NPFFR2: variants seen among roughly 807,000 people sequenced by gnomAD.
NPFFR2 encodes the protein neuropeptide FF receptor 2.
NPFFR2 carries 15 observed loss-of-function variants against 13.1 expected under a neutral mutation model. The observed-to-expected ratio is 1.15, with a 90% CI of 0.77 to 1.76. The LOEUF (loss-of-function observed/expected upper bound fraction) is 1.76, where lower values mean the gene tolerates loss of function less well. NPFFR2 is among the 40% of genes most tolerant of loss of function. The pLI, the probability that NPFFR2 is intolerant of heterozygous loss-of-function variation, is 0.00. For missense variants in NPFFR2, 572 were observed against 503.5 expected (o/e 1.14, Z -1.30); for synonymous variants, 190 against 175.7 (o/e 1.08, Z -0.65).
intron 1 of NPFFR2, among the ~76,000 whole-genome samples, chr4:72,121,570 A>T (rs887417624): frequency 6.6e-6 from 1 of 152,234 alleles, no homozygotes; most frequent in African/African-American, 2.4e-5. Flanking sequence ...AAACCCTACA[A>T]GCAAGAAGAG....
chr4:72,055,718 T>G (rs1021766258), intron 1 of NPFFR2, among the ~76,000 whole-genome samples: 1 of 151,952 alleles, frequency 6.6e-6, no homozygotes, highest in African/African-American at 2.4e-5. Flanking sequence ...GGAAAAGTTA[T>G]CAGAGGAAAT....
At chr4:72,128,389 A>C (rs1722132406) in intron 1 of NPFFR2, among the ~76,000 whole-genome samples, 196 bp from the exon 2 acceptor site, 1 of 152,214 alleles carries the variant, frequency 6.6e-6, no homozygotes, top group African/African-American at 2.4e-5. Flanking sequence ...TGGAATTTTC[A>C]AATGCTCTTG....
chr4:72,105,912 C>T (rs748012681), intron 1 of NPFFR2, among the ~76,000 whole-genome samples: 1 of 151,936 alleles, frequency 6.6e-6, no homozygotes. Flanking sequence ...ATCGAACTAC[C>T]CTGGTTTTAG....
chr4:72,065,381 A>G (rs4419448), intron 1 of NPFFR2, among the ~76,000 whole-genome samples: 136,887 of 152,186 alleles, frequency 0.9, 62,529 homozygotes, highest in Non-Finnish European at 0.98. Context: ...GAAGAAAAAC[A>G]TATCAAGAAA....
intron 1 of NPFFR2, among the ~76,000 whole-genome samples, chr4:72,091,188 T>G (rs371225613): frequency 3.0e-4 from 46 of 152,292 alleles, no homozygotes; most frequent in African/African-American, 1.1e-3. Context: ...GAAACCCACT[T>G]GATCAAGGCG....
chr4:72,034,848 T>C (rs911763869), intron 1 of NPFFR2, among the ~76,000 whole-genome samples: 3 of 152,174 alleles, frequency 2.0e-5, no homozygotes, highest in Non-Finnish European at 2.9e-5. Flanking sequence ...TACAAAAAGA[T>C]GCAATGGTCC....
intron 1 of NPFFR2, among the ~76,000 whole-genome samples, chr4:72,110,551 CA>C (rs1721536150): frequency 6.6e-6 from 1 of 151,920 alleles, no homozygotes; most frequent in African/African-American, 2.4e-5. Context: ...TGACATCATC[CA>C]AGACAAAGTT....
intron 1 of NPFFR2, among the ~76,000 whole-genome samples, chr4:72,102,550 G>A (rs937061239): frequency 1.5e-4 from 16 of 103,982 alleles, no homozygotes; most frequent in African/African-American, 4.0e-4. Flanking sequence ...AACAGTCCCC[G>A]GTGTGTGATG....
rs567353751 is a variant in NPFFR2, at chr4:72,035,847, AT to A, written c.-8+3650del. Among the ~76,000 whole-genome samples the A allele has an allele frequency of 1.8e-4, 27 of 152,228 alleles. No individual in the cohort carries two copies. The South Asian group carries it at 5.6e-3, about 32-fold the overall frequency. On this transcript the variant is annotated intron_variant, in intron 1 of 3. Coordinates refer to ENST00000308744, the MANE Select transcript of NPFFR2 (RefSeq NM_004885.3). ...CTTCTTGGGCTATTGTAAGAGTCTC[AT>A]TTAGGTGTCTGCATGGAGTCTGGGT...
intron 1 of NPFFR2, among the ~76,000 whole-genome samples, chr4:72,092,812 G>C (rs1720952745): frequency 6.6e-6 from 1 of 152,110 alleles, no homozygotes; most frequent in Non-Finnish European, 1.5e-5. Flanking sequence ...TGTCTTTCAA[G>C]TGGAATATTT....
At chr4:72,060,345 C>T (rs1719885364) in intron 1 of NPFFR2, among the ~76,000 whole-genome samples, 1 of 151,992 alleles carries the variant, frequency 6.6e-6, no homozygotes, top group African/African-American at 2.4e-5. Context: ...CTATTGTAAT[C>T]AAGGAACCTC....
At chr4:72,060,622 C>A (rs187626485) in intron 1 of NPFFR2, among the ~76,000 whole-genome samples, 1 of 152,162 alleles carries the variant, frequency 6.6e-6, no homozygotes, top group Admixed American at 6.6e-5. Context: ...TTGCGTAAAA[C>A]AGTATATTAA....
At chr4:72,059,518 G>C (rs1442779162) in intron 1 of NPFFR2, among the ~76,000 whole-genome samples, 1 of 152,058 alleles carries the variant, frequency 6.6e-6, no homozygotes. Flanking sequence ...AGGGATGTAA[G>C]AGGAATCAAC....
intron 1 of NPFFR2, among the ~76,000 whole-genome samples, chr4:72,077,707 T>C (rs77506091): frequency 0.27 from 40,438 of 152,008 alleles, 6,010 homozygotes; most frequent in Middle Eastern, 0.38. Context: ...CTATCAAATC[T>C]TTTAGCACAG....
chr4:72,131,421 G>T (rs1722236604), intron 2 of NPFFR2, among the ~76,000 whole-genome samples: 1 of 129,806 alleles, frequency 7.7e-6, no homozygotes, highest in Non-Finnish European at 1.5e-5. Context: ...ACAGGAAGGG[G>T]AATATCACAC....
At chr4:72,054,942 G>A (rs1327921631) in intron 1 of NPFFR2, among the ~76,000 whole-genome samples, 2 of 151,772 alleles carry the variant, frequency 1.3e-5, no homozygotes, top group Non-Finnish European at 2.9e-5. Flanking sequence ...CCCCAAGGTA[G>A]CAAAAATTAG....
At position 72,086,944 on chromosome 4, in the gene NPFFR2, AAGTT is replaced by A. The variant is rs141949985; in HGVS notation, c.-7-41637_-7-41634del. On this transcript the variant is annotated intron_variant, in intron 1 of 3. Transcript: ENST00000308744. ...ATGATATGCACATTTAATAATAATA[AAGTT>A]AGTAAGTATTTTGTCAAGTCTGTAA... 1.4e-3 allele frequency among the ~76,000 whole-genome samples: 209 copies of A among 152,202 alleles called. 2 individuals carry two copies. Among genetic ancestry groups the A allele is most frequent in the African/African-American group, 4.8e-3 (199 of 41,554 alleles).
chr4:72,037,917 C>A (rs557877853), intron 1 of NPFFR2, among the ~76,000 whole-genome samples: 1 of 152,274 alleles, frequency 6.6e-6, no homozygotes, highest in African/African-American at 2.4e-5. Flanking sequence ...ATATCCTGAG[C>A]TTGCTTTTGA....
intron 1 of NPFFR2, among the ~76,000 whole-genome samples, chr4:72,055,955 A>G (rs928642899): frequency 1.3e-5 from 2 of 151,994 alleles, no homozygotes; most frequent in African/African-American, 2.4e-5. Flanking sequence ...AGGTTGGTTC[A>G]TGAGATTCAA....
Sources: gnomAD v4.1 joint callset for allele counts (sites outside exome capture counted in the v4.1 genomes callset) on GRCh38, gnomAD v4.1.1 for gene constraint, MANE v1.5 for transcripts, NCBI Gene and HGNC (gene_info 2026-07-23, HGNC 2026-07-21) for gene names.